Variants in SLIT3 observed in about 807,000 individuals in gnomAD.
The protein encoded by SLIT3 is slit guidance ligand 3, also known as slit homolog 3 protein.
Under a neutral mutation model 184.0 loss-of-function variants are expected in SLIT3, and 68 were observed. The observed-to-expected ratio is 0.37, with a 90% CI of 0.30 to 0.45. SLIT3 has a LOEUF of 0.45. SLIT3 is among the 20% of genes least tolerant of loss of function. SLIT3 has a pLI of 1.00. For synonymous variants in SLIT3, 831 were observed against 828.6 expected, an observed-to-expected ratio of 1.00 and a Z score of -0.05; for missense variants, 1,707 against 2,026.0, an observed-to-expected ratio of 0.84 and a Z score of 3.02.
intron 4 of SLIT3, among the ~76,000 whole-genome samples, chr5:169,023,453 CT>C (rs1403847563): frequency 6.6e-6 from 1 of 152,148 alleles, no homozygotes; most frequent in Admixed American, 6.5e-5. Flanking sequence ...CGAAACAGCT[CT>C]AGGCCTCTGG....
At chr5:169,128,116 T>C (rs1761149363) in intron 4 of SLIT3, among the ~76,000 whole-genome samples, 1 of 151,624 alleles carries the variant, frequency 6.6e-6, no homozygotes. Flanking sequence ...ATGCTTATGA[T>C]GTTGAATGAA....
chr5:168,668,501 A>C (rs1020850377), intron 35 of SLIT3, among the ~76,000 whole-genome samples: 2 of 152,232 alleles, frequency 1.3e-5, no homozygotes, highest in Admixed American at 6.5e-5. Context: ...TTCTCCCTGC[A>C]GAGGTCCACT....
chr5:168,722,186 G>T (rs1762963329), intron 23 of SLIT3, 70 bp downstream of exon 23: 7 of 1,356,122 alleles, frequency 5.2e-6, no homozygotes, highest in Non-Finnish European at 6.3e-6. Context: ...TGGGGAAGGG[G>T]AGTGCTTAGT....
chr5:168,873,505 C>T (rs1422621359), intron 5 of SLIT3, among the ~76,000 whole-genome samples: 2 of 151,972 alleles, frequency 1.3e-5, no homozygotes, highest in African/African-American at 4.8e-5. Context: ...GTGGCTCACA[C>T]CTGTAATCCT....
chr5:168,976,162 C>T (rs1243621846), intron 4 of SLIT3, among the ~76,000 whole-genome samples: 1 of 152,142 alleles, frequency 6.6e-6, no homozygotes, highest in African/African-American at 2.4e-5. Context: ...GCTGTCATTA[C>T]CTACTTTTAT....
At chr5:168,759,299 A>G (rs1266407560) in intron 16 of SLIT3, among the ~76,000 whole-genome samples, 3 of 152,206 alleles carry the variant, frequency 2.0e-5, no homozygotes, top group Non-Finnish European at 4.4e-5. Flanking sequence ...TTATCAACCT[A>G]TCGACGTATA....
At chr5:169,239,959 G>A (rs1322092428) in intron 3 of SLIT3, among the ~76,000 whole-genome samples, 1 of 152,008 alleles carries the variant, frequency 6.6e-6, no homozygotes, top group Non-Finnish European at 1.5e-5. Flanking sequence ...TCCACACATT[G>A]TGAGACATTG....
chr5:168,694,882 G>A (rs572047029), intron 28 of SLIT3, among the ~76,000 whole-genome samples: 3 of 152,334 alleles, frequency 2.0e-5, no homozygotes, highest in African/African-American at 7.2e-5. Flanking sequence ...GCCTCTCAAA[G>A]TGCTGGGATT....
intron 1 of SLIT3, among the ~76,000 whole-genome samples, chr5:169,261,975 C>T (rs1441127033): frequency 2.6e-5 from 4 of 152,168 alleles, no homozygotes; most frequent in Non-Finnish European, 5.9e-5. Context: ...TCAAGACAAC[C>T]AGCAGGAACC....
At chr5:169,294,164 G>A (rs1767434951) in intron 1 of SLIT3, among the ~76,000 whole-genome samples, 1 of 151,492 alleles carries the variant, frequency 6.6e-6, no homozygotes, top group Admixed American at 6.6e-5. Flanking sequence ...AGCCTGCTAG[G>A]AAATACAGCT....
intron 11 of SLIT3, among the ~76,000 whole-genome samples, chr5:168,786,753 G>A (rs1002585252): frequency 3.9e-5 from 6 of 152,100 alleles, no homozygotes; most frequent in African/African-American, 1.2e-4. Flanking sequence ...GTGCTCAGGG[G>A]CGTCTTTATG....
intron 5 of SLIT3, among the ~76,000 whole-genome samples, chr5:168,862,360 A>G (rs980482509): frequency 6.6e-6 from 1 of 152,222 alleles, no homozygotes; most frequent in African/African-American, 2.4e-5. Flanking sequence ...AACCTATGGA[A>G]ATAAAAAATA....
chr5:169,277,259 C>G (rs1458965430), intron 1 of SLIT3, among the ~76,000 whole-genome samples: 1 of 152,048 alleles, frequency 6.6e-6, no homozygotes, highest in African/African-American at 2.4e-5. Flanking sequence ...GAGACAGGGT[C>G]TTGCTCTGTC....
At chr5:168,903,627 G>T (rs1315786046) in intron 4 of SLIT3, among the ~76,000 whole-genome samples, 1 of 152,122 alleles carries the variant, frequency 6.6e-6, no homozygotes, top group African/African-American at 2.4e-5. Flanking sequence ...TTCAGGAATG[G>T]TCCTTCTGCT....
At chr5:169,002,836 C>T (rs967401936) in intron 4 of SLIT3, among the ~76,000 whole-genome samples, 29 of 152,190 alleles carry the variant, frequency 1.9e-4, no homozygotes, top group African/African-American at 6.5e-4. Flanking sequence ...ATTAATGACT[C>T]TTATTTAAAC....
At chr5:168,883,404 T>C in intron 4 of SLIT3, 68 bp from the exon 5 acceptor site, 2 of 1,211,818 alleles carry the variant, frequency 1.7e-6, no homozygotes, top group South Asian at 1.2e-5. Context: ...TCTCATTAAA[T>C]GATAACAATC....
intron 4 of SLIT3, among the ~76,000 whole-genome samples, chr5:169,128,151 A>G (rs1283158836): frequency 6.6e-6 from 1 of 151,174 alleles, no homozygotes; most frequent in African/African-American, 2.4e-5. Flanking sequence ...CATGTTATAT[A>G]ATGTTCTTTA....
chr5:169,211,714 C>T (rs537874606), intron 3 of SLIT3, among the ~76,000 whole-genome samples: 22 of 152,258 alleles, frequency 1.4e-4, no homozygotes, highest in Middle Eastern at 6.8e-3. Context: ...TAGGTATACA[C>T]GTGCCTTGGG....
chr5:168,778,830 A>AC (rs1261870085), intron 12 of SLIT3, among the ~76,000 whole-genome samples: 1 of 152,222 alleles, frequency 6.6e-6, no homozygotes, highest in African/African-American at 2.4e-5. Context: ...CAAAGATCTC[A>AC]CTTCAGCCCA....
Sources: allele counts gnomAD v4.1 joint callset (sites outside exome capture counted in the v4.1 genomes callset), GRCh38; gene constraint gnomAD v4.1.1; transcripts MANE v1.5; gene names NCBI Gene and HGNC (gene_info 2026-07-23, HGNC 2026-07-21).